Variants in STIM1 observed in about 807,000 individuals in gnomAD.
The protein encoded by STIM1 is stromal interaction molecule 1.
A neutral mutation model predicts 74.7 loss-of-function variants in STIM1; 25 were observed. The observed-to-expected ratio is 0.33, with a 90% CI of 0.24 to 0.47. The LOEUF (loss-of-function observed/expected upper bound fraction) is 0.47. Ranked by LOEUF, STIM1 falls within the 20% of genes least tolerant of loss-of-function variation. The pLI is 1.00. For missense variants in STIM1, 728 were observed against 920.8 expected (o/e 0.79, Z 2.71); for synonymous variants, 328 against 348.8 (o/e 0.94, Z 0.66).
chr11:3,923,267 T>G (rs1030953693), intron 1 of STIM1, among the ~76,000 whole-genome samples: 2 of 152,096 alleles, frequency 1.3e-5, no homozygotes, highest in African/African-American at 4.8e-5. Flanking sequence ...CTAGGTACAT[T>G]TTTTTCCTTC....
At chr11:4,050,279 G>T (rs1028593297) in intron 3 of STIM1, among the ~76,000 whole-genome samples, 2 of 152,194 alleles carry the variant, frequency 1.3e-5, no homozygotes, top group Non-Finnish European at 1.5e-5. Flanking sequence ...TTAGCTGAGA[G>T]CAAGGGAGGA....
At chr11:3,930,509 A>G (rs1159155981) in intron 1 of STIM1, among the ~76,000 whole-genome samples, 1 of 152,196 alleles carries the variant, frequency 6.6e-6, no homozygotes, top group African/African-American at 2.4e-5. Context: ...AGGGAGGGGA[A>G]TAAGGCCTAT....
At chr11:3,876,644 A>T (rs2091316015) in intron 1 of STIM1, among the ~76,000 whole-genome samples, 1 of 152,146 alleles carries the variant, frequency 6.6e-6, no homozygotes, top group South Asian at 2.1e-4. Context: ...CCTGGGCTCA[A>T]GTGATCCTCC....
chr11:3,893,003 C>G (rs940705860), intron 1 of STIM1: 25 of 648,310 alleles, frequency 3.9e-5, no homozygotes, highest in Non-Finnish European at 6.3e-5. Flanking sequence ...CTCCTGAGCT[C>G]AAGCAATCCA....
At chr11:4,015,965 A>T (rs1055644274) in intron 2 of STIM1, among the ~76,000 whole-genome samples, 1 of 152,146 alleles carries the variant, frequency 6.6e-6, no homozygotes, top group African/African-American at 2.4e-5. Context: ...CAAGGATTTT[A>T]GCTTCCTTGC....
At chr11:4,089,654 C>T (rs528903368) in intron 12 of STIM1, among the ~76,000 whole-genome samples, 1 of 152,296 alleles carries the variant, frequency 6.6e-6, no homozygotes, top group South Asian at 2.1e-4. Flanking sequence ...GGTACTGGCC[C>T]ATGGGGTGGC....
At chr11:4,038,378 GC>G (rs1267718437) in intron 3 of STIM1, among the ~76,000 whole-genome samples, 1 of 151,692 alleles carries the variant, frequency 6.6e-6, no homozygotes, top group Non-Finnish European at 1.5e-5. Context: ...AGTATAAGAA[GC>G]TTCCAGTAGC....
At chr11:3,880,105 A>G (rs763681392) in intron 1 of STIM1, among the ~76,000 whole-genome samples, 1 of 152,148 alleles carries the variant, frequency 6.6e-6, no homozygotes, top group Non-Finnish European at 1.5e-5. Context: ...AGAGTTTGAA[A>G]TCTGGCTTTG....
At chr11:4,027,919 G>C (rs575601199) in intron 3 of STIM1, among the ~76,000 whole-genome samples, 1 of 152,256 alleles carries the variant, frequency 6.6e-6, no homozygotes, top group South Asian at 2.1e-4. Flanking sequence ...TGAGCCATTG[G>C]AAACAATAAC....
In STIM1 at chr11:3,864,827, C is replaced by T. The variant is rs560133799; in HGVS notation, c.139+8418C>T. On this transcript the variant is annotated intron_variant, in intron 1 of 12. Coordinates refer to ENST00000526596, the MANE Select transcript of STIM1 (RefSeq NM_001382567.1). ...CTGTGGCCTTTTAGTTTTTCTTTGACTTCCTTTGCTTATGACCTAGAGTCT... is the reference window on the plus strand; with the variant it reads ...CTGTGGCCTTTTAGTTTTTCTTTGATTTCCTTTGCTTATGACCTAGAGTCT... Among the ~76,000 whole-genome samples, 5 of 152,302 alleles carry T rather than the reference C, an allele frequency of 3.3e-5. No individual in the cohort carries two copies. The East Asian group carries it at 5.8e-4, about 18-fold the overall frequency.
At chr11:4,045,758 ACTT>A (rs2094186496) in intron 3 of STIM1, among the ~76,000 whole-genome samples, 1 of 123,340 alleles carries the variant, frequency 8.1e-6, no homozygotes, top group South Asian at 2.6e-4. Context: ...ATCCCTCAAC[ACTT>A]CTTTTTTTTT....
At chr11:4,024,087 TA>T in intron 3 of STIM1, 100 bp downstream of exon 3, 1 of 890,128 alleles carries the variant, frequency 1.1e-6, no homozygotes, top group Non-Finnish European at 1.8e-6. Context: ...AAATGCTTAG[TA>T]AAGGGCAAAT....
rs199935070 is a variant in STIM1 at position 4,091,789 on chromosome 11, T to A, written c.2142T>A (p.Leu714=). 3.1e-6 allele frequency: 5 copies of A among 1,604,376 alleles called. No individual in the cohort carries two copies. Among genetic ancestry groups the A allele is most frequent in the Non-Finnish European group, 3.4e-6 (4 of 1,179,976 alleles). Residue 714 remains leucine (L), a synonymous_variant, in exon 13 of 13, where the codon CTT becomes CTA. Transcript: ENST00000526596. Reference sequence around the variant, plus strand: ...CCCTCAAAATCTTTAAGAAGCCTCTTAAGAAGTAGGCAGGATGGGGTGGCA... The same window carrying A: ...CCCTCAAAATCTTTAAGAAGCCTCTAAAGAAGTAGGCAGGATGGGGTGGCA... ...KFPLKIFKKP[L]KK
At chr11:4,049,309 A>C (rs938705594) in intron 3 of STIM1, among the ~76,000 whole-genome samples, 1 of 151,132 alleles carries the variant, frequency 6.6e-6, no homozygotes, top group African/African-American at 2.4e-5. Flanking sequence ...TCAGGGCTTA[A>C]ATTATATCAG....
chr11:3,900,294 A>G (rs1038364929), intron 1 of STIM1, among the ~76,000 whole-genome samples: 7 of 152,168 alleles, frequency 4.6e-5, no homozygotes, highest in African/African-American at 1.4e-4. Context: ...GGAAAAGCGC[A>G]GTATTGGGGT....
At chr11:3,887,266 C>T (rs1158010327) in intron 1 of STIM1, among the ~76,000 whole-genome samples, 2 of 152,206 alleles carry the variant, frequency 1.3e-5, no homozygotes, top group Non-Finnish European at 2.9e-5. Context: ...ACTTCCTTCC[C>T]TGTTTCTGTA....
chr11:3,855,237 T>C, upstream of STIM1: 1 of 152,506 alleles, frequency 6.6e-6, no homozygotes, highest in Non-Finnish European at 1.5e-5. Flanking sequence ...CCTGGGAGGC[T>C]AACGTCGTGT....
chr11:3,896,105 C>T (rs1189807081), intron 1 of STIM1, among the ~76,000 whole-genome samples: 1 of 151,852 alleles, frequency 6.6e-6, no homozygotes, highest in East Asian at 1.9e-4. Context: ...GGGGTTTCAC[C>T]ATGTTAGCCA....
At chr11:4,021,322 C>A (rs1019607942) in intron 2 of STIM1, among the ~76,000 whole-genome samples, 1 of 152,126 alleles carries the variant, frequency 6.6e-6, no homozygotes, top group African/African-American at 2.4e-5. Context: ...GATGGGGTTT[C>A]GCCATGCTGG....
Sources: allele counts gnomAD v4.1 joint callset (sites outside exome capture counted in the v4.1 genomes callset), GRCh38; gene constraint gnomAD v4.1.1; transcripts MANE v1.5; gene names NCBI Gene and HGNC (gene_info 2026-07-23, HGNC 2026-07-21).